The following MYO10 variants were observed in gnomAD, a reference collection of about 807,000 sequenced individuals.
MYO10 encodes the protein unconventional myosin-X.
MYO10 carries 133 observed loss-of-function variants against 257.3 expected under a neutral mutation model. That is an observed-to-expected ratio of 0.52 (90% CI 0.45 to 0.60). The LOEUF (loss-of-function observed/expected upper bound fraction) is 0.60. MYO10 is among the 20% of genes least tolerant of loss of function. The pLI, the probability that MYO10 is intolerant of heterozygous loss-of-function variation, is 0.00. For missense variants in MYO10, 2,399 were observed against 2,635.7 expected (o/e 0.91, Z 1.97); for synonymous variants, 1,104 against 1,028.6 (o/e 1.07, Z -1.40).
chr5:16,826,625 T>A (rs1743010534), intron 2 of MYO10, among the ~76,000 whole-genome samples: 1 of 152,226 alleles, frequency 6.6e-6, no homozygotes, highest in Non-Finnish European at 1.5e-5. Context: ...GCGTTCTCCA[T>A]GTTTTATGAC....
intron 2 of MYO10, among the ~76,000 whole-genome samples, chr5:16,824,548 T>A (rs934054496): frequency 7.2e-5 from 11 of 152,140 alleles, no homozygotes; most frequent in Non-Finnish European, 1.6e-4. Context: ...AGCCAATGCC[T>A]GTAAGTAAAA....
At chr5:16,874,374 CAT>C (rs1375713333) in intron 2 of MYO10, among the ~76,000 whole-genome samples, 68 of 120,970 alleles carry the variant, frequency 5.6e-4, no homozygotes, top group African/African-American at 2.0e-3. Context: ...TTTTCTATCA[CAT>C]AGTCAGGCTG....
chr5:16,858,125 G>T (rs1424525443), intron 2 of MYO10, among the ~76,000 whole-genome samples: 1 of 152,158 alleles, frequency 6.6e-6, no homozygotes, highest in African/African-American at 2.4e-5. Context: ...TGCTGTGAAC[G>T]CAGTCACAGA....
At chr5:16,899,962 C>T (rs150455597) in intron 1 of MYO10, among the ~76,000 whole-genome samples, 5 of 134,562 alleles carry the variant, frequency 3.7e-5, no homozygotes, top group East Asian at 4.6e-4. Flanking sequence ...CGCAGCACTG[C>T]GCTCCAGCCT....
rs26740 is a variant in MYO10, at chr5:16,710,978, C to T, written c.2099G>A (p.Arg700Gln). The T allele has an allele frequency of 0.02, 32,473 of 1,613,806 alleles. 1,216 individuals are homozygous for T. The highest frequency in any genetic ancestry group is 0.16 in the African/African-American group (12,095 of 74,982). The change falls in exon 21 of 41, where the codon CGA (arginine) becomes CAA (glutamine). Residue 700 changes from arginine to glutamine, a missense_variant. By Grantham distance (43) the Arg-to-Gln change is conservative. This residue lies in a region of MYO10 where 1,820 missense variants were observed against 1,939.4 expected (regional missense o/e 0.94). Coordinates refer to ENST00000513610, the MANE Select transcript of MYO10 (RefSeq NM_012334.3). ...CTGCAGCAGGCTCGTGCACTTCCCT[C>T]GGACGTCCTCAGGCAGAGCCAGATT... Reference protein sequence around the residue: ...MRNLALPEDVRGKCTSLLQLY... With the variant: ...MRNLALPEDVQGKCTSLLQLY...
chr5:16,673,844 G>A lies in MYO10; in HGVS notation c.5010C>T (p.Leu1670=). Residue 1670 remains leucine (L), a synonymous_variant, in exon 36 of 41, where the codon CTC becomes CTT. Transcript: ENST00000513610. ...TTTTCTTAAGAGATTCGTAAGTGAA[G>A]AGAGCGTATTTTTCCATCTCGCTTC... ...FPGSEMEKYA[L]FTYESLKKTK... The A allele has an allele frequency of 1.9e-6, 3 of 1,613,984 alleles. No individual in the cohort carries two copies. Among genetic ancestry groups the A allele is most frequent in the South Asian group, 2.2e-5 (2 of 91,076 alleles).
At chr5:16,747,404 A>G (rs1740227009) in intron 19 of MYO10, among the ~76,000 whole-genome samples, 2 of 152,166 alleles carry the variant, frequency 1.3e-5, no homozygotes, top group Admixed American at 6.6e-5. Flanking sequence ...ACACACCATG[A>G]GCAATTTCTA....
At chr5:16,729,215 G>A (rs933491666) in intron 19 of MYO10, among the ~76,000 whole-genome samples, 2 of 152,058 alleles carry the variant, frequency 1.3e-5, no homozygotes, top group African/African-American at 4.8e-5. Flanking sequence ...CTGTAATTTT[G>A]CATGACGTAC....
chr5:16,735,169 C>T (rs927070673), intron 19 of MYO10, among the ~76,000 whole-genome samples: 4 of 152,134 alleles, frequency 2.6e-5, no homozygotes, highest in Admixed American at 6.6e-5. Context: ...TCATCTTGTT[C>T]GCCATAAATT....
chr5:16,695,015 G>T (rs1737676807), intron 26 of MYO10, among the ~76,000 whole-genome samples: 1 of 152,138 alleles, frequency 6.6e-6, no homozygotes, highest in Admixed American at 6.5e-5. Flanking sequence ...ATTTTAACAT[G>T]GTGTCAAAGT....
chr5:16,906,211 ATGGACC>A (rs1413557474), intron 1 of MYO10, among the ~76,000 whole-genome samples: 1 of 152,120 alleles, frequency 6.6e-6, no homozygotes, highest in African/African-American at 2.4e-5. Context: ...AGGGTCCAGA[ATGGACC>A]CCCCCATTCC....
chr5:16,682,189 C>T (rs1373184958), intron 30 of MYO10, among the ~76,000 whole-genome samples, 176 bp from the exon 31 acceptor site: 3 of 152,172 alleles, frequency 2.0e-5, no homozygotes, highest in Non-Finnish European at 4.4e-5. Flanking sequence ...ATTTCTTTTA[C>T]GCATCATTAA....
At chr5:16,702,409 C>A in intron 24 of MYO10, 134 bp downstream of exon 24, 1 of 861,026 alleles carries the variant, frequency 1.2e-6, no homozygotes, top group Admixed American at 2.8e-5. Flanking sequence ...GAAATTGGAT[C>A]ATAAACACAT....
chr5:16,752,171 T>A, intron 19 of MYO10, among the ~76,000 whole-genome samples: 1 of 152,198 alleles, frequency 6.6e-6, no homozygotes, highest in Non-Finnish European at 1.5e-5. Context: ...GAATTTAAGA[T>A]GCCTACGATT....
intron 2 of MYO10, among the ~76,000 whole-genome samples, chr5:16,874,541 G>A (rs938469076): frequency 1.3e-5 from 2 of 152,122 alleles, no homozygotes; most frequent in African/African-American, 4.8e-5. Context: ...AAATCTCTAA[G>A]GCAGGTGCAA....
chr5:16,706,465 A>G (rs1579870337), intron 21 of MYO10, among the ~76,000 whole-genome samples: 1 of 152,278 alleles, frequency 6.6e-6, no homozygotes, highest in African/African-American at 2.4e-5. Flanking sequence ...TTAAGGAAGC[A>G]TTTCAACTTC....
chr5:16,904,515 C>T (rs763908099), intron 1 of MYO10, among the ~76,000 whole-genome samples: 10 of 152,166 alleles, frequency 6.6e-5, no homozygotes, highest in Non-Finnish European at 1.2e-4. Context: ...TGGGGTCTGA[C>T]GCCGGGTAGA....
chr5:16,929,262 G>C (rs1253342486), intron 1 of MYO10, among the ~76,000 whole-genome samples: 1 of 152,122 alleles, frequency 6.6e-6, no homozygotes, highest in African/African-American at 2.4e-5. Context: ...CAAATCAGTG[G>C]CATGTTCAAA....
intron 1 of MYO10, among the ~76,000 whole-genome samples, chr5:16,911,762 C>A (rs1040209311): frequency 6.6e-6 from 1 of 151,872 alleles, no homozygotes; most frequent in Non-Finnish European, 1.5e-5. Flanking sequence ...AATTGGCCAG[C>A]CGCGGTGGCT....
Sources: gnomAD v4.1 joint callset for allele counts (sites outside exome capture counted in the v4.1 genomes callset) on GRCh38, gnomAD v4.1.1 for gene constraint, gnomAD v4.1.1 regional missense constraint, MANE v1.5 for transcripts, NCBI Gene and HGNC (gene_info 2026-07-23, HGNC 2026-07-21) for gene names.